Variants in NAALADL2 observed in about 807,000 individuals in gnomAD.
NAALADL2 encodes the protein inactive N-acetylated-alpha-linked acidic dipeptidase-like protein 2.
NAALADL2 carries 76 observed loss-of-function variants against 87.2 expected under a neutral mutation model. That is an observed-to-expected ratio of 0.87 (90% confidence interval 0.72 to 1.05). The LOEUF is 1.05. Ranked by LOEUF, NAALADL2 falls within the 50% of genes least tolerant of loss-of-function variation. The pLI is 0.00. For synonymous variants in NAALADL2, 354 were observed against 331.0 expected (o/e 1.07, Z -0.75); for missense variants, 1,089 against 945.8 (o/e 1.15, Z -1.99).
In NAALADL2 at chr3:175,294,899, C is replaced by A. The variant is rs192599549; in HGVS notation, c.940-29276C>A. Reference sequence around the variant, plus strand: ...TGTGAGTCGCTATAGTGCAGTCCACCCTCTGCAGTCTACCTGGGTCAAAGC... The same window carrying A: ...TGTGAGTCGCTATAGTGCAGTCCACACTCTGCAGTCTACCTGGGTCAAAGC... On this transcript the variant is annotated intron_variant, in intron 4 of 13. Coordinates refer to ENST00000454872, the MANE Select transcript of NAALADL2 (RefSeq NM_207015.3). Among the ~76,000 whole-genome samples the A allele has an allele frequency of 2.9e-4, 44 of 152,218 alleles. No individual in the cohort carries two copies. The East Asian group carries it at 6.4e-3, about 22-fold the overall frequency.
chr3:175,450,056 A>T (rs1458084227), intron 6 of NAALADL2, among the ~76,000 whole-genome samples: 1 of 152,186 alleles, frequency 6.6e-6, no homozygotes, highest in Non-Finnish European at 1.5e-5. Context: ...GTAAATCAGT[A>T]TTGGAAAATC....
intron 2 of NAALADL2, among the ~76,000 whole-genome samples, chr3:174,704,863 T>A (rs1729909816): frequency 6.6e-6 from 1 of 152,158 alleles, no homozygotes; most frequent in Non-Finnish European, 1.5e-5. Flanking sequence ...AAGAAGTCAA[T>A]TTAACAATAC....
intron 3 of NAALADL2, among the ~76,000 whole-genome samples, chr3:174,778,298 G>A (rs1715467505): frequency 6.6e-6 from 1 of 152,064 alleles, no homozygotes. Context: ...CATAAGACAT[G>A]TGATATCTAT....
chr3:175,069,347 C>T (rs915203272), intron 1 of NAALADL2, among the ~76,000 whole-genome samples: 6 of 150,022 alleles, frequency 4.0e-5, no homozygotes, highest in Admixed American at 4.0e-4. Context: ...AAAAAGCGGG[C>T]AAAGGACATG....
chr3:174,561,448 C>T (rs979407097), intron 2 of NAALADL2, among the ~76,000 whole-genome samples: 1 of 152,016 alleles, frequency 6.6e-6, no homozygotes, highest in Non-Finnish European at 1.5e-5. Flanking sequence ...GATCCACCCT[C>T]CTCGGCCTCC....
intron 6 of NAALADL2, among the ~76,000 whole-genome samples, chr3:175,450,653 A>G (rs188966935): frequency 1.3e-5 from 2 of 152,252 alleles, no homozygotes; most frequent in African/African-American, 4.8e-5. Flanking sequence ...CCTTGAACCA[A>G]TCATCATAAT....
intron 1 of NAALADL2, among the ~76,000 whole-genome samples, chr3:174,960,495 T>C (rs2108553035): frequency 6.6e-6 from 1 of 152,134 alleles, no homozygotes; most frequent in East Asian, 1.9e-4. Flanking sequence ...TAAGAAGCAA[T>C]TGAGATTTGA....
At chr3:174,721,614 AAGC>A (rs1203209793) in intron 2 of NAALADL2, among the ~76,000 whole-genome samples, 1 of 152,238 alleles carries the variant, frequency 6.6e-6, no homozygotes, top group Non-Finnish European at 1.5e-5. Flanking sequence ...GGAGAGCTCG[AAGC>A]AGCAGAATTC....
intron 2 of NAALADL2, among the ~76,000 whole-genome samples, chr3:174,706,664 G>T (rs1297233532): frequency 3.3e-5 from 5 of 152,112 alleles, no homozygotes; most frequent in Non-Finnish European, 4.4e-5. Context: ...GTCAATTTTG[G>T]CTTTTGTTGC....
chr3:174,520,589 A>G (rs1720214099), intron 1 of NAALADL2, among the ~76,000 whole-genome samples: 1 of 152,196 alleles, frequency 6.6e-6, no homozygotes. Flanking sequence ...GTAAAACCTG[A>G]TACTATAAAA....
At chr3:174,688,478 TA>T (rs1238988007) in intron 2 of NAALADL2, among the ~76,000 whole-genome samples, 3 of 9,754 alleles carry the variant, frequency 3.1e-4, no homozygotes, top group Admixed American at 2.0e-3. Flanking sequence ...ACCTATCTCA[TA>T]TAGTTGTTGT....
chr3:174,703,745 C>T (rs1729794512), intron 2 of NAALADL2, among the ~76,000 whole-genome samples: 1 of 152,166 alleles, frequency 6.6e-6, no homozygotes, highest in African/African-American at 2.4e-5. Flanking sequence ...GAAACCAAGA[C>T]AGGGGACCGA....
intron 2 of NAALADL2, among the ~76,000 whole-genome samples, chr3:174,565,399 A>G (rs1455888456): frequency 1.3e-5 from 2 of 151,986 alleles, no homozygotes; most frequent in Non-Finnish European, 2.9e-5. Flanking sequence ...CCTTTTCTAG[A>G]ACATCATGTA....
At chr3:175,093,668 C>T (rs1266478569) in intron 1 of NAALADL2, among the ~76,000 whole-genome samples, 1 of 151,346 alleles carries the variant, frequency 6.6e-6, no homozygotes, top group Non-Finnish European at 1.5e-5. Context: ...TATGTCATTA[C>T]ATACTCATTT....
At chr3:174,875,240 CTTAT>C (rs1728359952) in intron 1 of NAALADL2, among the ~76,000 whole-genome samples, 1 of 149,988 alleles carries the variant, frequency 6.7e-6, no homozygotes, top group East Asian at 2.0e-4. Context: ...GGATTTCTGA[CTTAT>C]TTTACATGTA....
intron 1 of NAALADL2, among the ~76,000 whole-genome samples, chr3:174,484,928 T>C (rs563448019): frequency 6.6e-6 from 1 of 152,146 alleles, no homozygotes; most frequent in South Asian, 2.1e-4. Context: ...AGCCGGTAGT[T>C]GTGTCATTTA....
chr3:175,011,868 A>T lies in NAALADL2; in HGVS notation c.44-84922A>T, dbSNP rs564479511. On this transcript the variant is annotated intron_variant, in intron 1 of 13. Coordinates refer to ENST00000454872, the MANE Select transcript of NAALADL2 (RefSeq NM_207015.3). Reference sequence around the variant, plus strand: ...GTGAATCAGGGTGGGATTATTAAGGATTGTTAATTTAATAAAATTAAGTAG... The same window carrying T: ...GTGAATCAGGGTGGGATTATTAAGGTTTGTTAATTTAATAAAATTAAGTAG... Among the ~76,000 whole-genome samples, 51 of 152,270 alleles carry T rather than the reference A, an allele frequency of 3.3e-4. No homozygotes were observed. The South Asian group carries it at 0.01, about 31-fold the overall frequency.
intron 4 of NAALADL2, among the ~76,000 whole-genome samples, chr3:175,259,985 A>G (rs537443811): frequency 1.3e-5 from 2 of 152,050 alleles, no homozygotes; most frequent in East Asian, 3.9e-4. Flanking sequence ...CCAGGATTTC[A>G]CCACTGCACT....
At chr3:174,656,613 G>A (rs776879545) in intron 2 of NAALADL2, among the ~76,000 whole-genome samples, 4 of 152,108 alleles carry the variant, frequency 2.6e-5, no homozygotes, top group Non-Finnish European at 5.9e-5. Context: ...TAAGGTTCCA[G>A]ATTAAACTGT....
Sources: allele counts gnomAD v4.1 joint callset (sites outside exome capture counted in the v4.1 genomes callset), GRCh38; gene constraint gnomAD v4.1.1; transcripts MANE v1.5; gene names NCBI Gene and HGNC (gene_info 2026-07-23, HGNC 2026-07-21).